The following GRM5 variants were observed in gnomAD, a reference collection of about 807,000 sequenced individuals.
GRM5 encodes glutamate metabotropic receptor 5, also known as metabotropic glutamate receptor 5.
In GRM5, 19 loss-of-function variants were observed where a neutral mutation model predicts 83.1. That is an observed-to-expected ratio of 0.23 (90% CI 0.16 to 0.34). The LOEUF is 0.34. GRM5 is among the 10% of genes least tolerant of loss of function. GRM5 has a pLI of 1.00. For synonymous variants in GRM5, 675 were observed against 633.6 expected, an observed-to-expected ratio of 1.07 and a Z score of -0.98; for missense variants, 1,160 against 1,588.3, an observed-to-expected ratio of 0.73 and a Z score of 4.58.
At position 88,756,786 on chromosome 11, in the gene GRM5, C is replaced by A. The variant is rs115698953; in HGVS notation, c.911+93120G>T. On this transcript the variant is annotated intron_variant, in intron 3 of 9. Transcript: ENST00000305447. ...AGGAGAAGAGTAAAAAGATAAGGGA[C>A]CTATCTGTAGGACAATATCAAGTAG... 4.5e-3 allele frequency among the ~76,000 whole-genome samples: 684 copies of A among 151,920 alleles called. 5 individuals carry two copies. Among genetic ancestry groups the A allele is most frequent in the African/African-American group, 0.015 (640 of 41,448 alleles).
At chr11:88,926,474 T>C (rs890646834) in intron 2 of GRM5, among the ~76,000 whole-genome samples, 4 of 152,194 alleles carry the variant, frequency 2.6e-5, no homozygotes, top group African/African-American at 9.6e-5. Context: ...CTTACGTATA[T>C]ATCTACTGAT....
chr11:88,726,981 C>G (rs936415937), intron 3 of GRM5, among the ~76,000 whole-genome samples: 1 of 152,130 alleles, frequency 6.6e-6, no homozygotes, highest in Non-Finnish European at 1.5e-5. Flanking sequence ...ACTGCATCAA[C>G]GAATGGGCAA....
chr11:88,903,500 TG>T (rs1394913869), intron 2 of GRM5, among the ~76,000 whole-genome samples: 1 of 152,104 alleles, frequency 6.6e-6, no homozygotes, highest in African/African-American at 2.4e-5. Context: ...TCAACCTAAG[TG>T]TCTATCAAGA....
At chr11:88,796,867 A>G (rs556279843) in intron 3 of GRM5, among the ~76,000 whole-genome samples, 3 of 148,830 alleles carry the variant, frequency 2.0e-5, no homozygotes, top group Non-Finnish European at 4.5e-5. Context: ...TTTTGTGATT[A>G]CCTAGATGAA....
At chr11:88,615,602 A>T (rs894133469) in intron 4 of GRM5, among the ~76,000 whole-genome samples, 1 of 151,710 alleles carries the variant, frequency 6.6e-6, no homozygotes, top group Non-Finnish European at 1.5e-5. Flanking sequence ...CTTTAATCTC[A>T]TAAAACCCAA....
chr11:88,908,468 T>C (rs1945439787), intron 2 of GRM5, among the ~76,000 whole-genome samples: 1 of 152,068 alleles, frequency 6.6e-6, no homozygotes, highest in Admixed American at 6.6e-5. Flanking sequence ...CACCACCTCT[T>C]TCACATATAG....
chr11:88,935,766 C>T (rs1295819861), intron 2 of GRM5, among the ~76,000 whole-genome samples: 1 of 151,812 alleles, frequency 6.6e-6, no homozygotes, highest in Non-Finnish European at 1.5e-5. Flanking sequence ...ATTTATAAAC[C>T]ACACATTTTA....
chr11:88,551,839 TTGACTC>T (rs768101137), intron 8 of GRM5, among the ~76,000 whole-genome samples: 2 of 152,128 alleles, frequency 1.3e-5, no homozygotes, highest in Non-Finnish European at 2.9e-5. Flanking sequence ...TCATGGTAGT[TTGACTC>T]TGAAGAATTA....
Position 88,509,274 on chromosome 11 carries a change from C to T in GRM5, c.2957G>A (p.Gly986Asp). 1 of 1,466,030 alleles carries T rather than the reference C, an allele frequency of 6.8e-7. No homozygotes were observed. The highest frequency in any genetic ancestry group is 3.0e-5 in the Admixed American group (1 of 33,660). The allele number at this position is 1,466,030 out of a possible 1,614,324, so 90.8% of individuals were successfully genotyped here. The change falls in exon 10 of 10, where the codon GGC becomes GAC. Residue 986 changes from glycine (G) to aspartate (D), a missense_variant. By Grantham distance (94) the Gly-to-Asp change is moderately conservative. Around this residue, in one of 9 missense-constraint regions of GRM5, gnomAD observed 562 missense variants for 532.4 expected, o/e 1.06. Coordinates refer to ENST00000305447, the MANE Select transcript of GRM5 (RefSeq NM_001143831.3). ...ATGGAGCAGA[G>D]PGGPESPDAG... The stretch of plus-strand genomic sequence containing the variant: ...GTCTGGGGACTCGGGCCCGCCTGGG[C>T]CGGCGCCTGCGCAGCCCGCACCGCC...
chr11:88,840,674 T>C (rs1944182913), intron 3 of GRM5, among the ~76,000 whole-genome samples: 1 of 152,238 alleles, frequency 6.6e-6, no homozygotes, highest in Non-Finnish European at 1.5e-5. Flanking sequence ...TTCATGATGT[T>C]GTCTCTATTT....
At chr11:89,055,462 C>G (rs1488059212) in intron 1 of GRM5, among the ~76,000 whole-genome samples, 8 of 152,066 alleles carry the variant, frequency 5.3e-5, no homozygotes, top group Non-Finnish European at 1.2e-4. Flanking sequence ...GTATTCATTA[C>G]CAAGCTAATA....
Position 88,599,156 on chromosome 11 carries a change from T to C in GRM5, c.1395-1804A>G, listed in dbSNP as rs1191999954. Reference sequence around the variant, plus strand: ...ATTTATATTGTAAGGCTTTTATCTCTATATCCATGCCTCTTTGTTTTATGT... The same window carrying C: ...ATTTATATTGTAAGGCTTTTATCTCCATATCCATGCCTCTTTGTTTTATGT... On this transcript the variant is annotated intron_variant, in intron 5 of 9. Coordinates refer to ENST00000305447, the MANE Select transcript of GRM5 (RefSeq NM_001143831.3). Among the ~76,000 whole-genome samples, 3 of 152,238 alleles carry C rather than the reference T, an allele frequency of 2.0e-5. No individual in the cohort carries two copies. In the East Asian group the frequency reaches 5.8e-4, roughly 29 times the overall value.
At chr11:88,570,998 T>C (rs751953866) in intron 7 of GRM5, among the ~76,000 whole-genome samples, 3 of 152,140 alleles carry the variant, frequency 2.0e-5, no homozygotes, top group African/African-American at 2.4e-5. Context: ...TTTACTTATA[T>C]AGGAAACGTT....
chr11:88,834,048 G>C (rs1944046238), intron 3 of GRM5, among the ~76,000 whole-genome samples: 1 of 152,160 alleles, frequency 6.6e-6, no homozygotes, highest in Non-Finnish European at 1.5e-5. Context: ...TCTAATGTTT[G>C]TTAGCTGAGT....
At chr11:88,530,469 C>A (rs986153008) in intron 8 of GRM5, among the ~76,000 whole-genome samples, 5 of 151,934 alleles carry the variant, frequency 3.3e-5, no homozygotes, top group African/African-American at 1.2e-4. Flanking sequence ...TCTTCTTGTA[C>A]CTTCTTTGTC....
At chr11:89,026,419 G>C (rs1348955107) in intron 2 of GRM5, among the ~76,000 whole-genome samples, 4 of 152,158 alleles carry the variant, frequency 2.6e-5, no homozygotes, top group African/African-American at 9.7e-5. Context: ...GTTTCATATA[G>C]ACACTTTATA....
At position 89,005,939 on chromosome 11, in the gene GRM5, AAAC is replaced by A. The variant is rs1429245336; in HGVS notation, c.661+41270_661+41272del. On this transcript the variant is annotated intron_variant, in intron 2 of 9. Transcript: ENST00000305447. ...AGTGCAGTCTAGTAGAGAAAGAATAAAACAACAGGATAACAAAATGTGCTATGA... is the reference window on the plus strand; with the variant it reads ...AGTGCAGTCTAGTAGAGAAAGAATAAAACAGGATAACAAAATGTGCTATGA... Among the ~76,000 whole-genome samples the A allele has an allele frequency of 3.9e-5, 6 of 152,318 alleles. No homozygotes were observed. The East Asian group carries it at 9.6e-4, about 24-fold the overall frequency.
In GRM5 at chr11:88,784,375, GATCA is replaced by G. The variant is rs371591668; in HGVS notation, c.911+65527_911+65530del. ...TTATGTGCCCACCATAGGAATAACT[GATCA>G]ATACACTCTTCTCACTGAGTTTACA... On this transcript the variant is annotated intron_variant, in intron 3 of 9. Transcript: ENST00000305447. Among the ~76,000 whole-genome samples the G allele has an allele frequency of 5.3e-5, 8 of 152,166 alleles. No homozygotes were observed. In the East Asian group the frequency reaches 1.4e-3, roughly 26 times the overall value.
chr11:88,747,563 C>T (rs1156508849), intron 3 of GRM5, among the ~76,000 whole-genome samples: 2 of 152,056 alleles, frequency 1.3e-5, no homozygotes, highest in African/African-American at 4.8e-5. Flanking sequence ...AAAGTGATTT[C>T]CTAAAAATGG....
Sources: gnomAD v4.1 joint callset for allele counts (sites outside exome capture counted in the v4.1 genomes callset) on GRCh38, gnomAD v4.1.1 for gene constraint, gnomAD v4.1.1 regional missense constraint, MANE v1.5 for transcripts, NCBI Gene and HGNC (gene_info 2026-07-23, HGNC 2026-07-21) for gene names.